RIMS1: variants seen among roughly 807,000 people sequenced by gnomAD.
RIMS1 encodes regulating synaptic membrane exocytosis 1.
A neutral mutation model predicts 214.1 loss-of-function variants in RIMS1; 83 were observed. The observed-to-expected ratio is 0.39, with a 90% CI of 0.32 to 0.47. RIMS1 has a LOEUF of 0.47. RIMS1 is among the 20% of genes least tolerant of loss of function. The probability of loss-of-function intolerance (pLI) is 0.99; values close to 1 mark genes in which losing one functional copy is unlikely to be tolerated. For synonymous variants in RIMS1, 793 were observed against 786.8 expected (o/e 1.01, Z -0.13); for missense variants, 2,050 against 2,161.8 (o/e 0.95, Z 1.03).
intron 1 of RIMS1, among the ~76,000 whole-genome samples, chr6:71,956,417 A>G (rs576928499): frequency 6.6e-6 from 1 of 152,306 alleles, no homozygotes; most frequent in East Asian, 1.9e-4. Context: ...ATGTAAACAG[A>G]GTTATTATAG....
Position 72,156,089 on chromosome 6 carries a change from A to G in RIMS1, c.472-23486A>G, listed in dbSNP as rs937573491. The G allele has an allele frequency of 1.7e-5, 6 of 350,854 alleles. 1 individual carries two copies. Among genetic ancestry groups the G allele is most frequent in the African/African-American group, 4.2e-5 (2 of 47,606 alleles). The allele number at this position is 350,854 out of a possible 1,614,324, so 21.7% of individuals were successfully genotyped here. On this transcript the variant is annotated intron_variant, in intron 4 of 33. Coordinates refer to ENST00000521978, the MANE Select transcript of RIMS1 (RefSeq NM_014989.7). ...CCCTCAGAAAATTATAAATAGAAGT[A>G]CTATATGATCCAGCAATCTCACTTC...
intron 4 of RIMS1, among the ~76,000 whole-genome samples, chr6:72,100,834 T>A (rs2033382100): frequency 1.3e-5 from 2 of 152,034 alleles, no homozygotes; most frequent in African/African-American, 4.8e-5. Context: ...CTGCAGTGCA[T>A]AATTAGCAAG....
At chr6:71,969,819 C>CAA (rs1795393749) in intron 2 of RIMS1, among the ~76,000 whole-genome samples, 2 of 152,008 alleles carry the variant, frequency 1.3e-5, no homozygotes, top group South Asian at 4.1e-4. Flanking sequence ...AAAACAAAAA[C>CAA]AAAAACAAAA....
chr6:72,106,759 A>C (rs1204377027), intron 4 of RIMS1, among the ~76,000 whole-genome samples: 1 of 152,184 alleles, frequency 6.6e-6, no homozygotes, highest in East Asian at 1.9e-4. Flanking sequence ...GGTTCCCCTA[A>C]AAAATATATC....
intron 18 of RIMS1, among the ~76,000 whole-genome samples, chr6:72,260,016 T>C (rs1009879104): frequency 1.8e-4 from 27 of 152,048 alleles, no homozygotes; most frequent in Non-Finnish European, 3.1e-4. Context: ...GGAGTCACAA[T>C]AGGTACTAGG....
intron 2 of RIMS1, among the ~76,000 whole-genome samples, chr6:72,045,808 A>AT (rs1822837769): frequency 6.6e-6 from 1 of 150,768 alleles, no homozygotes; most frequent in African/African-American, 2.4e-5. Flanking sequence ...TTCATTTTGA[A>AT]TTTTTTATAT....
chr6:71,901,250 C>T (rs1773515074), intron 1 of RIMS1, among the ~76,000 whole-genome samples: 2 of 152,162 alleles, frequency 1.3e-5, no homozygotes, highest in South Asian at 4.1e-4. Context: ...CATAGGAATT[C>T]CATTCCTAGA....
chr6:72,024,849 A>C (rs1484845822), intron 2 of RIMS1, among the ~76,000 whole-genome samples: 3 of 151,180 alleles, frequency 2.0e-5, no homozygotes, highest in African/African-American at 7.3e-5. Context: ...AATATATTAA[A>C]TAATATATAG....
intron 22 of RIMS1, among the ~76,000 whole-genome samples, chr6:72,270,939 A>G (rs78287681): frequency 6.6e-6 from 1 of 152,274 alleles, no homozygotes; most frequent in African/African-American, 2.4e-5. Flanking sequence ...ATCAATAGTT[A>G]TATATCAAAT....
At chr6:72,311,976 A>C (rs1201517391) in intron 27 of RIMS1, among the ~76,000 whole-genome samples, 1 of 152,198 alleles carries the variant, frequency 6.6e-6, no homozygotes, top group Non-Finnish European at 1.5e-5. Context: ...GTCTCCAAAA[A>C]CAAGAACAGA....
intron 4 of RIMS1, among the ~76,000 whole-genome samples, chr6:72,118,850 G>T (rs1182466914): frequency 1.3e-5 from 2 of 151,282 alleles, no homozygotes; most frequent in Admixed American, 6.6e-5. Context: ...CTATATGATG[G>T]ATCCAGAATG....
At position 72,213,540 on chromosome 6, in the gene RIMS1, T is replaced by TA. The variant is rs1001192205; in HGVS notation, c.1679-20224dup. Among the ~76,000 whole-genome samples the TA allele has an allele frequency of 6.0e-4, 90 of 151,052 alleles. 1 individual carries two copies. Among genetic ancestry groups the TA allele is most frequent in the African/African-American group, 1.9e-3 (77 of 41,236 alleles). ...AAAATCAATGTTCTGTGAAAATAAT[T>TA]AAAAAAAAATAGCAGGCTACCTAAT... On this transcript the variant is annotated intron_variant, in intron 6 of 33. Transcript: ENST00000521978.
chr6:72,144,243 C>T (rs1268343231), intron 4 of RIMS1, among the ~76,000 whole-genome samples: 1 of 152,198 alleles, frequency 6.6e-6, no homozygotes, highest in Non-Finnish European at 1.5e-5. Context: ...AAGATTACTT[C>T]TTGCCAATGC....
At chr6:72,259,703 A>T (rs1036179075) in intron 18 of RIMS1, among the ~76,000 whole-genome samples, 1 of 152,174 alleles carries the variant, frequency 6.6e-6, no homozygotes, top group African/African-American at 2.4e-5. Context: ...GGAAATAATT[A>T]CTATAAGTCT....
chr6:71,949,409 C>T lies in RIMS1; in HGVS notation c.165-19574C>T, dbSNP rs1396231374. On this transcript the variant is annotated intron_variant, in intron 1 of 33. Transcript: ENST00000521978. ...TCTATTCGCCATGCATCATTAAATA[C>T]ATTTTTTGCAAGCAACCACCAATTT... Among the ~76,000 whole-genome samples, 3 of 152,160 alleles carry T rather than the reference C, an allele frequency of 2.0e-5. No homozygotes were observed. The East Asian group carries it at 5.8e-4, about 29-fold the overall frequency.
At position 72,065,941 on chromosome 6, in the gene RIMS1, G is replaced by A. The variant is rs551187087; in HGVS notation, c.246-31008G>A. ...TGAGAAGCCGAAAAAAAAAAAAAAA[G>A]GAATTTTGGATGTGGATATTCCAAC... On this transcript the variant is annotated intron_variant, in intron 2 of 33. Transcript: ENST00000521978. Among the ~76,000 whole-genome samples the A allele has an allele frequency of 1.5e-3, 213 of 143,840 alleles. 1 individual carries two copies. Among genetic ancestry groups the A allele is most frequent in the African/African-American group, 5.1e-3 (199 of 38,962 alleles). 94.4% of individuals were successfully genotyped at this position (143,840 alleles called of 152,430 possible).
At chr6:71,895,538 G>A (rs1459188829) in intron 1 of RIMS1, among the ~76,000 whole-genome samples, 3 of 151,990 alleles carry the variant, frequency 2.0e-5, no homozygotes, top group Admixed American at 1.3e-4. Context: ...AGCCGGCGTG[G>A]TGATGCATGC....
chr6:72,392,777 G>A lies in RIMS1; in HGVS notation c.4585G>A (p.Val1529Ile). The A allele has an allele frequency of 1.9e-6, 3 of 1,613,504 alleles. No homozygotes were observed. The highest frequency in any genetic ancestry group is 2.5e-6 in the Non-Finnish European group (3 of 1,179,698). Residue 1529 changes from valine (V) to isoleucine (I), a missense_variant, in exon 31 of 34, where the codon GTT (valine) becomes ATT (isoleucine). Val to Ile is a conservative substitution (Grantham distance 29). This residue lies in a region of RIMS1 where 121 missense variants were observed against 187.3 expected (regional missense o/e 0.65). Transcript: ENST00000521978. ...TGATGGATTGGGACCAGCCCAGCTT[G>A]TTGGCCGCCAAACCCTTGCCACCCC... ...FLDGLGPAQL[V>I]GRQTLATPAM...
intron 29 of RIMS1, among the ~76,000 whole-genome samples, chr6:72,345,361 A>T (rs1188326541): frequency 6.6e-6 from 1 of 151,764 alleles, no homozygotes; most frequent in Non-Finnish European, 1.5e-5. Flanking sequence ...TAAAACCATT[A>T]GCAATAATAG....
Sources: gnomAD v4.1 joint callset for allele counts (sites outside exome capture counted in the v4.1 genomes callset) on GRCh38, gnomAD v4.1.1 for gene constraint, gnomAD v4.1.1 regional missense constraint, MANE v1.5 for transcripts, NCBI Gene and HGNC (gene_info 2026-07-23, HGNC 2026-07-21) for gene names.